The following ARHGAP44 variants were observed in gnomAD, a reference collection of about 807,000 sequenced individuals.
ARHGAP44 encodes the protein Rho GTPase activating protein 44, also known as rho GTPase-activating protein 44.
ARHGAP44 carries 43 observed loss-of-function variants against 106.8 expected under a neutral mutation model. That is an observed-to-expected ratio of 0.40 (90% CI 0.32 to 0.52). The LOEUF (loss-of-function observed/expected upper bound fraction) is 0.52. Among genes scored for constraint, ARHGAP44 ranks in the 20% least tolerant of loss-of-function variants. ARHGAP44 has a pLI of 0.48. For missense variants in ARHGAP44, 866 were observed against 1,050.5 expected (o/e 0.82, Z 2.43); for synonymous variants, 439 against 410.3 (o/e 1.07, Z -0.85).
chr17:12,814,387 C>A (rs2034534013), intron 1 of ARHGAP44, among the ~76,000 whole-genome samples: 1 of 151,720 alleles, frequency 6.6e-6, no homozygotes, highest in Admixed American at 6.6e-5. Context: ...ATTACAGGCG[C>A]CTGCCACCAC....
In ARHGAP44 at chr17:12,869,422, T is replaced by A. The variant is rs1043577898; in HGVS notation, c.54-25518T>A. Reference sequence around the variant, plus strand: ...ACAAAATATTCCAATCTTCACTATTTTGTCATTTTTAAATTTTTTTTTTAT... The same window carrying A: ...ACAAAATATTCCAATCTTCACTATTATGTCATTTTTAAATTTTTTTTTTAT... On this transcript the variant is annotated intron_variant, in intron 1 of 20. Transcript: ENST00000379672. 1.9e-4 allele frequency among the ~76,000 whole-genome samples: 17 copies of A among 91,566 alleles called. 1 individual carries two copies. Among genetic ancestry groups the A allele is most frequent in the Admixed American group, 5.5e-4 (4 of 7,294 alleles). The allele number at this position is 91,566 out of a possible 152,430, so 60.1% of individuals were successfully genotyped here.
intron 17 of ARHGAP44, 71 bp downstream of exon 17, chr17:12,973,390 A>C: frequency 6.6e-7 from 1 of 1,512,350 alleles, no homozygotes; most frequent in East Asian, 2.3e-5. Flanking sequence ...CATCGTAGTG[A>C]GTTCCACCAG....
intron 3 of ARHGAP44, among the ~76,000 whole-genome samples, chr17:12,907,785 A>G (rs909920563): frequency 9.2e-5 from 14 of 151,940 alleles, no homozygotes. Context: ...ACATTTGTGT[A>G]CCTCTTTTTT....
intron 1 of ARHGAP44, among the ~76,000 whole-genome samples, chr17:12,863,793 A>G (rs2036159917): frequency 6.6e-6 from 1 of 152,186 alleles, no homozygotes. Flanking sequence ...TAAAATAACA[A>G]TATTTGTTTT....
At chr17:12,846,539 T>C (rs2035576556) in intron 1 of ARHGAP44, among the ~76,000 whole-genome samples, 1 of 152,248 alleles carries the variant, frequency 6.6e-6, no homozygotes, top group African/African-American at 2.4e-5. Flanking sequence ...CACTGATACA[T>C]TGTAATGTAT....
chr17:12,899,120 G>T (rs1015376823), intron 3 of ARHGAP44, among the ~76,000 whole-genome samples: 1 of 152,062 alleles, frequency 6.6e-6, no homozygotes, highest in African/African-American at 2.4e-5. Flanking sequence ...ACAGGTGTGC[G>T]CCACCATGCC....
At chr17:12,867,171 A>G (rs2036259301) in intron 1 of ARHGAP44, among the ~76,000 whole-genome samples, 1 of 151,444 alleles carries the variant, frequency 6.6e-6, no homozygotes, top group Admixed American at 6.6e-5. Context: ...GGTCACAGTT[A>G]TAAGAAGGAA....
At chr17:12,864,477 A>G (rs1487605206) in intron 1 of ARHGAP44, among the ~76,000 whole-genome samples, 2 of 152,096 alleles carry the variant, frequency 1.3e-5, no homozygotes, top group Non-Finnish European at 2.9e-5. Context: ...ATTTGCATCT[A>G]GTATTCTTCC....
At chr17:12,951,001 G>A (rs941470572) in intron 12 of ARHGAP44, among the ~76,000 whole-genome samples, 4 of 152,218 alleles carry the variant, frequency 2.6e-5, no homozygotes, top group Non-Finnish European at 4.4e-5. Context: ...AGGCTCAAAT[G>A]TGTAGAGTGA....
At chr17:12,903,122 GAGAGGA>G (rs1335714406) in intron 3 of ARHGAP44, among the ~76,000 whole-genome samples, 2 of 82,734 alleles carry the variant, frequency 2.4e-5, no homozygotes, top group African/African-American at 1.0e-4. Flanking sequence ...GAGAGAGAGA[GAGAGGA>G]GAGAGAGAGA....
In ARHGAP44 at chr17:12,922,657, GTCT is replaced by G. The variant is rs2038117958; in HGVS notation, c.464+2831_464+2833del. ...TCATTACCATACATATTTTTGTTTT[GTCT>G]TCTTATGAGAAGGAGAATTATTCCT... On this transcript the variant is annotated intron_variant, in intron 6 of 20. Coordinates refer to ENST00000379672, the MANE Select transcript of ARHGAP44 (RefSeq NM_014859.6). Among the ~76,000 whole-genome samples the G allele has an allele frequency of 2.0e-5, 3 of 152,198 alleles. No homozygotes were observed. The South Asian group carries it at 6.2e-4, about 32-fold the overall frequency.
intron 1 of ARHGAP44, among the ~76,000 whole-genome samples, chr17:12,827,032 A>G (rs543774332): frequency 3.9e-4 from 60 of 152,272 alleles, no homozygotes; most frequent in African/African-American, 1.4e-3. Context: ...TTAAGATTCA[A>G]ACTTGATTTC....
intron 8 of ARHGAP44, 77 bp from the exon 9 acceptor site, chr17:12,943,511 G>A: frequency 1.4e-6 from 2 of 1,423,394 alleles, no homozygotes; most frequent in Non-Finnish European, 2.0e-6. Context: ...GCACCTTTCT[G>A]CAAAATGCTT....
intron 1 of ARHGAP44, among the ~76,000 whole-genome samples, chr17:12,875,711 A>G (rs1220583795): frequency 6.6e-6 from 1 of 152,228 alleles, no homozygotes; most frequent in African/African-American, 2.4e-5. Context: ...TGGGAGGCCA[A>G]GGCAGGTGGA....
chr17:12,908,527 G>T (rs2037631841), intron 3 of ARHGAP44, among the ~76,000 whole-genome samples: 1 of 152,126 alleles, frequency 6.6e-6, no homozygotes, highest in South Asian at 2.1e-4. Context: ...TTAAAATAAG[G>T]CTAATACACT....
chr17:12,835,409 T>C (rs537285609), intron 1 of ARHGAP44, among the ~76,000 whole-genome samples: 60 of 152,272 alleles, frequency 3.9e-4, no homozygotes, highest in African/African-American at 1.4e-3. Context: ...GCAGAAGAGA[T>C]AAATCAATAC....
intron 20 of ARHGAP44, among the ~76,000 whole-genome samples, chr17:12,989,100 CCAA>C (rs56090973): frequency 0.19 from 6,121 of 31,494 alleles, 103 homozygotes; most frequent in Non-Finnish European, 0.36. Context: ...TCCACCCCCC[CCAA>C]AAAAAAAAAA....
rs1241347932 is a variant in ARHGAP44, at chr17:12,915,887, C to T, written c.276-13C>T. The T allele has an allele frequency of 6.2e-7, 1 of 1,610,432 alleles. No homozygotes were observed. Among genetic ancestry groups the T allele is most frequent in the Admixed American group, 1.7e-5 (1 of 59,848 alleles). On this transcript the variant is annotated splice_polypyrimidine_tract_variant and intron_variant, in intron 4 of 20. Coordinates refer to ENST00000379672, the MANE Select transcript of ARHGAP44 (RefSeq NM_014859.6). ...CAAGAGTATTCACTATTTCTTTCCC[C>T]CTTGGATTACAGGAAGATGCTGAAA...
At chr17:12,840,924 C>T (rs951495144) in intron 1 of ARHGAP44, among the ~76,000 whole-genome samples, 1 of 152,128 alleles carries the variant, frequency 6.6e-6, no homozygotes, top group Non-Finnish European at 1.5e-5. Flanking sequence ...TGACCCAGCT[C>T]AGGAGTTCTT....
Sources: allele counts gnomAD v4.1 joint callset (sites outside exome capture counted in the v4.1 genomes callset), GRCh38; gene constraint gnomAD v4.1.1; transcripts MANE v1.5; gene names NCBI Gene and HGNC (gene_info 2026-07-23, HGNC 2026-07-21).